Variants in RAB11A observed in about 807,000 individuals in gnomAD.
RAB11A encodes RAB11A, member RAS oncogene family.
A neutral mutation model predicts 28.0 loss-of-function variants in RAB11A; 9 were observed. The observed-to-expected ratio is 0.32, with a 90% CI of 0.19 to 0.56. The LOEUF (loss-of-function observed/expected upper bound fraction) is 0.56. Ranked by LOEUF, RAB11A falls within the 20% of genes least tolerant of loss-of-function variation. RAB11A has a pLI of 0.91. For synonymous variants in RAB11A, 85 were observed against 88.2 expected, an observed-to-expected ratio of 0.96 and a Z score of 0.20; for missense variants, 108 against 269.6, an observed-to-expected ratio of 0.40 and a Z score of 4.20.
intron 1 of RAB11A, among the ~76,000 whole-genome samples, chr15:65,872,756 C>G (rs1433922742): frequency 6.6e-6 from 1 of 152,134 alleles, no homozygotes; most frequent in Non-Finnish European, 1.5e-5. Flanking sequence ...TTTTAAAGCT[C>G]TTACAGGATA....
Position 65,877,604 on chromosome 15 carries a change from GA to G in RAB11A, c.236+79del. 5 of 1,440,728 alleles carry G rather than the reference GA, an allele frequency of 3.5e-6. No individual in the cohort carries two copies. Among genetic ancestry groups the G allele is most frequent in the Non-Finnish European group, 2.8e-6 (3 of 1,065,302 alleles). 89.2% of individuals were successfully genotyped at this position (1,440,728 alleles called of 1,614,324 possible). ...TAGCTGACTTTTGGTATTGGAAAAA[GA>G]ACTGTTGTTTTTTTCTTTTAAGAAT... On this transcript the variant is annotated intron_variant, in intron 2 of 4. Transcript: ENST00000261890. The surrounding 1 kb of genome is among the most constrained non-coding windows in gnomAD (Gnocchi z 4.1).
intron 4 of RAB11A, 53 bp from the exon 5 acceptor site, chr15:65,887,648 T>C: frequency 6.7e-7 from 1 of 1,503,384 alleles, no homozygotes; most frequent in Non-Finnish European, 9.0e-7. Context: ...TCTTTTATCC[T>C]AACTATGATA....
At chr15:65,873,803 T>A (rs1433185444) in intron 1 of RAB11A, among the ~76,000 whole-genome samples, 1 of 152,122 alleles carries the variant, frequency 6.6e-6, no homozygotes, top group East Asian at 1.9e-4. Flanking sequence ...TTGCCCAGGC[T>A]GGTCTCAAAC....
intron 3 of RAB11A, among the ~76,000 whole-genome samples, chr15:65,878,280 C>T (rs2078201145): frequency 6.6e-6 from 1 of 152,214 alleles, no homozygotes; most frequent in African/African-American, 2.4e-5. Context: ...AACAGGGATG[C>T]AGCTGCTTAG....
chr15:65,883,627 C>T (rs75076240), intron 4 of RAB11A, among the ~76,000 whole-genome samples: 11,262 of 151,978 alleles, frequency 0.074, 534 homozygotes, highest in Non-Finnish European at 0.099. Context: ...TCTTGTTCTG[C>T]CAGGCAAGAC....
In RAB11A at chr15:65,891,566, C is replaced by T. The variant is rs2078296616; in HGVS notation, c.*3726C>T. The T allele has an allele frequency of 6.6e-6, 1 of 150,920 alleles. No homozygotes were observed. The highest frequency in any genetic ancestry group is 1.5e-5 in the Non-Finnish European group (1 of 67,144). 9.3% of individuals were successfully genotyped at this position (150,920 alleles called of 1,614,324 possible). On this transcript the variant is annotated 3_prime_UTR_variant, in exon 5 of 5. Coordinates refer to ENST00000261890, the MANE Select transcript of RAB11A (RefSeq NM_004663.5). ...ATGAGGGTACCAGATTAAATAAACT[C>T]TGGGGATTCATCCCAATTCGAACTC... is the stretch of plus-strand genomic sequence containing the variant.
rs2078198094 is a variant in RAB11A at position 65,877,680 on chromosome 15, C to G, written c.237-82C>G. ...TTTATTTATAAGTATGTTTTTAAAA[C>G]TCATGATCCATATTTTGAGTTCTTC... On this transcript the variant is annotated intron_variant, in intron 2 of 4. Transcript: ENST00000261890. This position sits in a 1 kb window ranked among gnomAD's most constrained non-coding sequence, Gnocchi z 4.1. 1.5e-6 allele frequency: 2 copies of G among 1,364,924 alleles called. No individual in the cohort carries two copies. The highest frequency in any genetic ancestry group is 2.0e-6 in the Non-Finnish European group (2 of 999,818). 84.6% of individuals were successfully genotyped at this position (1,364,924 alleles called of 1,614,324 possible). A position where few individuals can be genotyped will look rare whatever the true frequency, so the allele number is the denominator to read the frequency against.
rs141229002 is a variant in RAB11A at position 65,871,160 on chromosome 15, ATTTCT to A, written c.40+1538_40+1542del. The stretch of plus-strand genomic sequence containing the variant: ...TGATTGACTAAACCAAGCAGGAAAG[ATTTCT>A]TTGCTTTCCCAATACTTTGCAAATC... On this transcript the variant is annotated intron_variant, in intron 1 of 4. Transcript: ENST00000261890. 9.3e-3 allele frequency among the ~76,000 whole-genome samples: 1,411 copies of A among 152,258 alleles called. 21 individuals are homozygous for A. Among genetic ancestry groups the A allele is most frequent in the African/African-American group, 0.032 (1,317 of 41,546 alleles).
At chr15:65,871,582 A>G (rs2078160905) in intron 1 of RAB11A, among the ~76,000 whole-genome samples, 1 of 152,220 alleles carries the variant, frequency 6.6e-6, no homozygotes, top group South Asian at 2.1e-4. Context: ...AATGTTGGTT[A>G]TACAAGGTCC....
At chr15:65,880,332 C>T (rs774393225) in intron 4 of RAB11A, among the ~76,000 whole-genome samples, 1 of 152,156 alleles carries the variant, frequency 6.6e-6, no homozygotes, top group Non-Finnish European at 1.5e-5. Context: ...ATGACCAGGT[C>T]AGCCTCTGAG....
chr15:65,883,524 T>C (rs1325657398), intron 4 of RAB11A, among the ~76,000 whole-genome samples: 1 of 152,222 alleles, frequency 6.6e-6, no homozygotes, highest in African/African-American at 2.4e-5. Flanking sequence ...GACCACTTGG[T>C]TAAGGTGATG....
intron 1 of RAB11A, among the ~76,000 whole-genome samples, chr15:65,872,626 G>T (rs1024807628): frequency 3.3e-5 from 5 of 151,816 alleles, no homozygotes; most frequent in Admixed American, 6.6e-5. Flanking sequence ...TAGAGACGGG[G>T]TTTCTCCATG....
rs2078144682 is a variant in RAB11A at position 65,869,539 on chromosome 15, C to T, written c.-47C>T. On this transcript the variant is annotated 5_prime_UTR_variant, in exon 1 of 5. Coordinates refer to ENST00000261890, the MANE Select transcript of RAB11A (RefSeq NM_004663.5). Reference sequence around the variant, plus strand: ...ACCCCTGCAGCGACGCCCCCTGGTCCCACAGATACCACTGCTGCTCCCGCC... The same window carrying T: ...ACCCCTGCAGCGACGCCCCCTGGTCTCACAGATACCACTGCTGCTCCCGCC... The T allele has an allele frequency of 1.2e-6, 2 of 1,601,906 alleles. No homozygotes were observed. The highest frequency in any genetic ancestry group is 1.7e-6 in the Non-Finnish European group (2 of 1,176,106).
intron 1 of RAB11A, among the ~76,000 whole-genome samples, chr15:65,876,415 G>C (rs2078191608): frequency 6.6e-6 from 1 of 152,050 alleles, no homozygotes; most frequent in Non-Finnish European, 1.5e-5. Context: ...TCATGCCTCA[G>C]GCCCACAAGT....
chr15:65,879,509 G>GTAAA (rs1218243243), intron 3 of RAB11A, among the ~76,000 whole-genome samples, 162 bp from the exon 4 acceptor site: 4 of 152,156 alleles, frequency 2.6e-5, no homozygotes, highest in Non-Finnish European at 5.9e-5. Flanking sequence ...AATAAAGTAA[G>GTAAA]TAAATAAATA....
chr15:65,880,742 T>C (rs1049253709), intron 4 of RAB11A, among the ~76,000 whole-genome samples: 2 of 152,226 alleles, frequency 1.3e-5, no homozygotes, highest in African/African-American at 4.8e-5. Flanking sequence ...CTCCACTTAC[T>C]GTTAGTTGTA....
chr15:65,870,510 A>G (rs2078153423), intron 1 of RAB11A, among the ~76,000 whole-genome samples: 1 of 151,930 alleles, frequency 6.6e-6, no homozygotes, highest in African/African-American at 2.4e-5. Flanking sequence ...ATAACTCTTT[A>G]CTCGGTTCGC....
intron 4 of RAB11A, among the ~76,000 whole-genome samples, chr15:65,884,466 T>TA (rs1162295378): frequency 1.3e-5 from 2 of 151,938 alleles, no homozygotes; most frequent in Non-Finnish European, 2.9e-5. Flanking sequence ...AGTTCTTACA[T>TA]AAAAAACAAA....
Position 65,869,576 on chromosome 15 carries a change from C to T in RAB11A, c.-10C>T, listed in dbSNP as rs1041233400. Reference sequence around the variant, plus strand: ...CTGCTGCTCCCGCCCTTTCGCTCCTCGGCCGCGCAATGGGCACCCGCGACG... The same window carrying T: ...CTGCTGCTCCCGCCCTTTCGCTCCTTGGCCGCGCAATGGGCACCCGCGACG... On this transcript the variant is annotated 5_prime_UTR_variant, in exon 1 of 5. Transcript: ENST00000261890. The T allele has an allele frequency of 2.0e-5, 33 of 1,610,574 alleles. No homozygotes were observed. The highest frequency in any genetic ancestry group is 2.6e-5 in the Non-Finnish European group (31 of 1,179,814).
Sources: allele counts gnomAD v4.1 joint callset (sites outside exome capture counted in the v4.1 genomes callset), GRCh38; gene constraint gnomAD v4.1.1; non-coding constraint Gnocchi (gnomAD v3.1); transcripts MANE v1.5; gene names NCBI Gene and HGNC (gene_info 2026-07-23, HGNC 2026-07-21).